Variants in RFC4 observed in about 807,000 individuals in gnomAD.
RFC4 encodes replication factor C subunit 4, also known as A1 37 kDa subunit.
A neutral mutation model predicts 47.6 loss-of-function variants in RFC4; 38 were observed. The ratio of observed to expected loss-of-function variants is 0.80; its 90% CI spans 0.62 to 1.05. The LOEUF is 1.05. RFC4 is among the 50% of genes least tolerant of loss of function. The pLI is 0.00. For synonymous variants in RFC4, 164 were observed against 150.0 expected, an observed-to-expected ratio of 1.09 and a Z score of -0.68; for missense variants, 489 against 434.0, an observed-to-expected ratio of 1.13 and a Z score of -1.13.
At chr3:186,790,115 A>AAGTACCTAC in intron 10 of RFC4, 27 bp downstream of exon 10, 2 of 1,604,478 alleles carry the variant, frequency 1.2e-6, no homozygotes, top group African/African-American at 2.7e-5. Flanking sequence ...TAAATGTTCC[A>AAGTACCTAC]TTGACATGTG....
Position 186,804,668 on chromosome 3 carries a change from G to T in RFC4, c.46C>A (p.Leu16Met), listed in dbSNP as rs1722436825. 1 of 1,614,106 alleles carries T rather than the reference G, an allele frequency of 6.2e-7. No individual in the cohort carries two copies. Among genetic ancestry groups the T allele is most frequent in the African/African-American group, 1.3e-5 (1 of 75,026 alleles). ...GCAGCTACTCCTCGATCCTTGGTCAGCGGGGGTTTAGTACTGATGGATGTA... is the reference window on the plus strand; with the variant it reads ...GCAGCTACTCCTCGATCCTTGGTCATCGGGGGTTTAGTACTGATGGATGTA... ...KGTSISTKPP[L>M]TKDRGVAASA... Residue 16 changes from leucine to methionine, a missense_variant, in exon 2 of 11, where the codon CTG becomes ATG. Leu to Met is a conservative substitution (Grantham distance 15). Around this residue, in one of 2 missense-constraint regions of RFC4, gnomAD observed 206 missense variants for 257.8 expected, o/e 0.80. Coordinates refer to ENST00000296273, the MANE Select transcript of RFC4 (RefSeq NM_002916.5).
Position 186,801,304 on chromosome 3 carries a change from G to C in RFC4, c.132-109C>G, listed in dbSNP as rs3917108. 7.1e-5 allele frequency: 56 copies of C among 789,276 alleles called. 1 individual carries two copies. The African/African-American group carries it at 9.0e-4, about 13-fold the overall frequency. The allele number at this position is 789,276 out of a possible 1,614,324, so 48.9% of individuals were successfully genotyped here. ...TACCAATGACCATTCTTAAACATCA[G>C]CAATGAAATGAGAAACTTTTTCATA... is the stretch of plus-strand genomic sequence containing the variant. On this transcript the variant is annotated intron_variant, in intron 2 of 10. Transcript: ENST00000296273.
At chr3:186,802,023 C>CAAAAA (rs34264551) in intron 2 of RFC4, among the ~76,000 whole-genome samples, 1 of 92,154 alleles carries the variant, frequency 1.1e-5, no homozygotes, top group African/African-American at 4.2e-5. Context: ...AACTTTATCT[C>CAAAAA]AAAAAAAAAA....
Position 186,796,878 on chromosome 3 carries a change from T to G in RFC4, c.290+657A>C, listed in dbSNP as rs186696691. ...AGCCTTTGTTATGTTGGTGCATGTT[T>G]CATGTATATCAGACCCAGCCCACTA... On this transcript the variant is annotated intron_variant, in intron 4 of 10. Transcript: ENST00000296273. The surrounding 1 kb of genome is among the most constrained non-coding windows in gnomAD (Gnocchi z 4.2). Among the ~76,000 whole-genome samples the G allele has an allele frequency of 1.3e-5, 2 of 152,334 alleles. No homozygotes were observed. Among genetic ancestry groups the G allele is most frequent in the Non-Finnish European group, 2.9e-5 (2 of 68,032 alleles).
intron 3 of RFC4, among the ~76,000 whole-genome samples, chr3:186,798,047 A>G (rs1382353835): frequency 6.6e-6 from 1 of 152,146 alleles, no homozygotes; most frequent in African/African-American, 2.4e-5. Context: ...GATTTGGCCA[A>G]AACTGAGGAA....
Position 186,792,966 on chromosome 3 carries a change from T to C in RFC4, c.411-19A>G. 6.2e-7 allele frequency: 1 copy of C among 1,606,624 alleles called. No individual in the cohort carries two copies. Among genetic ancestry groups the C allele is most frequent in the East Asian group, 2.2e-5 (1 of 44,840 alleles). ...CTTCCCACTGATTCAGAGAAACACA[T>C]AAGAGTTGAACATTAATATGTATAT... On this transcript the variant is annotated intron_variant, in intron 5 of 10. Transcript: ENST00000296273.
At chr3:186,803,242 C>T (rs1471375976) in intron 2 of RFC4, among the ~76,000 whole-genome samples, 1 of 151,738 alleles carries the variant, frequency 6.6e-6, no homozygotes, top group Non-Finnish European at 1.5e-5. Flanking sequence ...ACTCGGGAGG[C>T]TGAGGCAGGA....
At chr3:186,801,538 C>T (rs1384687129) in intron 2 of RFC4, 3 of 193,588 alleles carry the variant, frequency 1.5e-5, no homozygotes, top group Non-Finnish European at 3.2e-5. Context: ...AGTGAAACCC[C>T]GTCTCTACTA....
chr3:186,795,780 G>A (rs1378915076), intron 4 of RFC4, among the ~76,000 whole-genome samples: 7 of 152,046 alleles, frequency 4.6e-5, no homozygotes, highest in African/African-American at 1.2e-4. Context: ...GCAATAGAGC[G>A]AGACACTGTC....
In RFC4 at chr3:186,793,021, C is replaced by T. The variant is rs3917128; in HGVS notation, c.411-74G>A. On this transcript the variant is annotated intron_variant, in intron 5 of 10. Transcript: ENST00000296273. The surrounding 1 kb of genome is among the most constrained non-coding windows in gnomAD (Gnocchi z 4.2). ...TTTAACAGCTTTGTTGAAAGATACA[C>T]GTACCATACAATTCACCCATTTAAA... 187 of 1,218,252 alleles carry T rather than the reference C, an allele frequency of 1.5e-4. No individual in the cohort carries two copies. Among genetic ancestry groups the T allele is most frequent in the Admixed American group, 3.0e-4 (12 of 40,480 alleles). The allele number at this position is 1,218,252 out of a possible 1,614,324, so 75.5% of individuals were successfully genotyped here. A position where few individuals can be genotyped will look rare whatever the true frequency, so the allele number is the denominator to read the frequency against.
At chr3:186,800,599 G>T (rs952915984) in intron 3 of RFC4, among the ~76,000 whole-genome samples, 23 of 152,038 alleles carry the variant, frequency 1.5e-4, no homozygotes, top group African/African-American at 5.6e-4. Context: ...AGTTATCCAT[G>T]GATACTTTAT....
rs1261788867 is a variant in RFC4 at position 186,793,786 on chromosome 3, G to A, written c.411-839C>T. The stretch of plus-strand genomic sequence containing the variant: ...CGCCCAGGCTGGAGTGCAGTGGTGC[G>A]ATCTTGGCTCACTGCAAGCTCTGCC... On this transcript the variant is annotated intron_variant, in intron 5 of 10. Transcript: ENST00000296273. This position sits in a 1 kb window ranked among gnomAD's most constrained non-coding sequence, Gnocchi z 4.2. 3.3e-5 allele frequency among the ~76,000 whole-genome samples: 5 copies of A among 151,396 alleles called. No homozygotes were observed. The highest frequency in any genetic ancestry group is 1.9e-4 in the East Asian group (1 of 5,160).
chr3:186,797,404 T>C (rs1459082669), intron 4 of RFC4, 131 bp downstream of exon 4: 7 of 617,388 alleles, frequency 1.1e-5, no homozygotes, highest in African/African-American at 5.6e-5. Flanking sequence ...GCTCATGGGA[T>C]TTTTAAAAAT....
rs527711703 is a variant in RFC4, at chr3:186,801,899, T to C, written c.132-704A>G. Among the ~76,000 whole-genome samples, 7 of 150,868 alleles carry C rather than the reference T, an allele frequency of 4.6e-5. No homozygotes were observed. In the East Asian group the frequency reaches 1.4e-3, roughly 29 times the overall value. On this transcript the variant is annotated intron_variant, in intron 2 of 10. Coordinates refer to ENST00000296273, the MANE Select transcript of RFC4 (RefSeq NM_002916.5). Reference sequence around the variant, plus strand: ...TTAGCCGGGCATGGTGGTGCATGCCTGTAATGCCAGCTACTCGGGAGGCTG... The same window carrying C: ...TTAGCCGGGCATGGTGGTGCATGCCCGTAATGCCAGCTACTCGGGAGGCTG...
chr3:186,803,071 A>G (rs1426038798), intron 2 of RFC4, among the ~76,000 whole-genome samples: 1 of 152,150 alleles, frequency 6.6e-6, no homozygotes, highest in Admixed American at 6.5e-5. Flanking sequence ...GGCTGGGCGC[A>G]GTGACTCACG....
chr3:186,791,444 T>C (rs1722130895), intron 8 of RFC4: 1 of 369,428 alleles, frequency 2.7e-6, no homozygotes, highest in African/African-American at 2.1e-5. Flanking sequence ...CACTCCAGCC[T>C]GGGCGACACA....
At position 186,804,743 on chromosome 3, in the gene RFC4, G is replaced by A. The variant is rs1560095130; in HGVS notation, c.-11-19C>T. On this transcript the variant is annotated intron_variant, in intron 1 of 10. Transcript: ENST00000296273. ...CTTCACCCTGGTCAGGTGCAAGACA[G>A]AAAAAAAAAGCTTTTATTGAAACTT... The A allele has an allele frequency of 1.2e-5, 18 of 1,552,860 alleles. No homozygotes were observed. The highest frequency in any genetic ancestry group is 1.7e-4 in the Middle Eastern group (1 of 5,794).
intron 4 of RFC4, among the ~76,000 whole-genome samples, chr3:186,797,258 A>G (rs997750797): frequency 6.6e-6 from 1 of 152,228 alleles, no homozygotes; most frequent in Non-Finnish European, 1.5e-5. Context: ...TCTGGACTCC[A>G]AAGTTATAAT....
At chr3:186,801,618 G>A (rs1348234165) in intron 2 of RFC4, among the ~76,000 whole-genome samples, 1 of 150,344 alleles carries the variant, frequency 6.7e-6, no homozygotes, top group African/African-American at 2.5e-5. Flanking sequence ...GGCTGAGGCA[G>A]GAGAACGGCA....
Sources: gnomAD v4.1 joint callset for allele counts (sites outside exome capture counted in the v4.1 genomes callset) on GRCh38, gnomAD v4.1.1 for gene constraint, gnomAD v4.1.1 regional missense constraint, Gnocchi (gnomAD v3.1) non-coding constraint, MANE v1.5 for transcripts, NCBI Gene and HGNC (gene_info 2026-07-23, HGNC 2026-07-21) for gene names.